Variants in MAML2 observed in about 807,000 individuals in gnomAD.
The protein encoded by MAML2 is mastermind like transcriptional coactivator 2.
Under a neutral mutation model 96.1 loss-of-function variants are expected in MAML2, and 22 were observed. The ratio of observed to expected loss-of-function variants is 0.23; its 90% CI spans 0.16 to 0.33. MAML2 has a LOEUF of 0.33. MAML2 is among the 10% of genes least tolerant of loss of function. The pLI, the probability that MAML2 is intolerant of heterozygous loss-of-function variation, is 1.00. For synonymous variants in MAML2, 561 were observed against 521.3 expected (o/e 1.08, Z -1.04); for missense variants, 1,367 against 1,392.4 (o/e 0.98, Z 0.29).
At chr11:96,040,484 T>G (rs1858790105) in intron 2 of MAML2, among the ~76,000 whole-genome samples, 1 of 152,038 alleles carries the variant, frequency 6.6e-6, no homozygotes, top group Non-Finnish European at 1.5e-5. Context: ...AAAACCTCCT[T>G]GGCTGGGCAC....
At chr11:96,329,009 A>C (rs1863820775) in intron 1 of MAML2, among the ~76,000 whole-genome samples, 1 of 152,222 alleles carries the variant, frequency 6.6e-6, no homozygotes, top group African/African-American at 2.4e-5. Flanking sequence ...ATAGACAAAC[A>C]GATGGAGAGA....
At chr11:96,338,976 C>T (rs1863954206) in intron 1 of MAML2, among the ~76,000 whole-genome samples, 1 of 152,202 alleles carries the variant, frequency 6.6e-6, no homozygotes, top group Non-Finnish European at 1.5e-5. Flanking sequence ...TAATACAGCA[C>T]TTGCATCACC....
rs191399489 is a variant in MAML2 at position 96,263,728 on chromosome 11, A to G, written c.513+77655T>C. Among the ~76,000 whole-genome samples, 6 of 152,354 alleles carry G rather than the reference A, an allele frequency of 3.9e-5. No homozygotes were observed. The South Asian group carries it at 1.2e-3, about 32-fold the overall frequency. On this transcript the variant is annotated intron_variant, in intron 1 of 4. Coordinates refer to ENST00000524717, the MANE Select transcript of MAML2 (RefSeq NM_032427.4). ...TTTTGAGTCTGTACTTGGGCTCAGC[A>G]GGTATGGAGGGGGGCTGGTGGGACC...
intron 1 of MAML2, among the ~76,000 whole-genome samples, chr11:96,148,684 A>ACACACACACG: frequency 6.6e-6 from 1 of 150,376 alleles, no homozygotes; most frequent in Non-Finnish European, 1.5e-5. Flanking sequence ...ACACACACAC[A>ACACACACACG]CACACACACA....
intron 2 of MAML2, among the ~76,000 whole-genome samples, chr11:96,068,438 TCACACACACACACA>T (rs10522513): frequency 3.3e-5 from 4 of 120,290 alleles, no homozygotes; most frequent in Admixed American, 8.8e-5. Context: ...GGAGCTTACT[TCACACACACACACA>T]CACACACACA....
chr11:96,087,796 C>T (rs1859642275), intron 2 of MAML2, among the ~76,000 whole-genome samples: 2 of 152,216 alleles, frequency 1.3e-5, no homozygotes, highest in South Asian at 2.1e-4. Context: ...ACCCTTCAGG[C>T]AACCTCTAGG....
chr11:96,226,019 A>T (rs746492307), intron 1 of MAML2, among the ~76,000 whole-genome samples: 14 of 152,178 alleles, frequency 9.2e-5, no homozygotes, highest in Non-Finnish European at 1.5e-4. Context: ...AATTAATTAC[A>T]TATTTAGCAA....
chr11:96,121,779 G>GTTTTTTTTTTTTTTTTTTTT (rs1405872923), intron 1 of MAML2, among the ~76,000 whole-genome samples: 1 of 40,814 alleles, frequency 2.5e-5, no homozygotes, highest in Non-Finnish European at 4.7e-5. Context: ...CCAACTGCGT[G>GTTTTTTTTTTTTTTTTTTTT]ATTTTTTTTT....
chr11:96,266,038 T>A (rs1167005228), intron 1 of MAML2, among the ~76,000 whole-genome samples: 6 of 152,166 alleles, frequency 3.9e-5, no homozygotes, highest in Admixed American at 6.5e-5. Flanking sequence ...AAGAGCACCC[T>A]GTAACACATG....
intron 1 of MAML2, among the ~76,000 whole-genome samples, chr11:96,228,266 A>G (rs556077013): frequency 3.1e-4 from 47 of 152,248 alleles, no homozygotes; most frequent in Non-Finnish European, 5.0e-4. Context: ...GCTAACTTCA[A>G]TCACTCCCTC....
chr11:96,317,322 C>T (rs929894516), intron 1 of MAML2, among the ~76,000 whole-genome samples: 19 of 152,100 alleles, frequency 1.2e-4, no homozygotes, highest in African/African-American at 3.9e-4. Flanking sequence ...ATTTCATATC[C>T]GACCTCCAAA....
At position 95,976,747 on chromosome 11, in the gene MAML2, G is replaced by C. The variant is rs1040187794; in HGVS notation, c.*2201C>G. The C allele has an allele frequency of 5.5e-6, 1 of 182,542 alleles. No individual in the cohort carries two copies. Among genetic ancestry groups the C allele is most frequent in the African/African-American group, 2.4e-5 (1 of 42,480 alleles). The allele number at this position is 182,542 out of a possible 1,614,324, so 11.3% of individuals were successfully genotyped here. A position where few individuals can be genotyped will look rare whatever the true frequency, so the allele number is the denominator to read the frequency against. On this transcript the variant is annotated 3_prime_UTR_variant, in exon 5 of 5. Transcript: ENST00000524717. The stretch of plus-strand genomic sequence containing the variant: ...CTACAAAACATACTATTTATGTTAG[G>C]GTAAAAATAAGCTGACTCACAGGAG...
intron 1 of MAML2, among the ~76,000 whole-genome samples, chr11:96,228,742 A>G (rs978952724): frequency 6.6e-6 from 1 of 152,182 alleles, no homozygotes; most frequent in Non-Finnish European, 1.5e-5. Context: ...CTGTATTTAT[A>G]AAGTCTTAAC....
chr11:96,098,540 T>A (rs963682896), intron 1 of MAML2, among the ~76,000 whole-genome samples: 1 of 152,238 alleles, frequency 6.6e-6, no homozygotes, highest in Admixed American at 6.5e-5. Flanking sequence ...GTTTTGGGAA[T>A]GATTTTCAAC....
intron 2 of MAML2, among the ~76,000 whole-genome samples, chr11:96,032,663 T>C (rs537024752): frequency 2.4e-4 from 36 of 151,040 alleles, no homozygotes; most frequent in African/African-American, 8.0e-4. Context: ...ATTTGGTGAA[T>C]AGATAAACAA....
intron 2 of MAML2, among the ~76,000 whole-genome samples, chr11:95,994,564 C>A (rs1302211345): frequency 1.3e-5 from 2 of 151,856 alleles, no homozygotes; most frequent in African/African-American, 4.8e-5. Context: ...GGAAGCAGAG[C>A]CTGTGACAGG....
chr11:96,159,407 C>CTTTTTTTTTTTTTTTTTTTTTTTTTTTTT (rs760811590), intron 1 of MAML2, among the ~76,000 whole-genome samples: 2 of 91,122 alleles, frequency 2.2e-5, no homozygotes, highest in Admixed American at 1.6e-4. Flanking sequence ...ACCACTGATT[C>CTTTTTTTTTTTTTTTTTTTTTTTTTTTTT]TTTTTTTTTT....
intron 1 of MAML2, among the ~76,000 whole-genome samples, chr11:96,163,569 C>T (rs1179747205): frequency 6.6e-6 from 1 of 152,200 alleles, no homozygotes; most frequent in Non-Finnish European, 1.5e-5. Context: ...GAACCCAAGT[C>T]TCCTAACTGA....
At chr11:96,200,014 C>T (rs547554469) in intron 1 of MAML2, among the ~76,000 whole-genome samples, 2 of 152,208 alleles carry the variant, frequency 1.3e-5, no homozygotes, top group South Asian at 4.1e-4. Flanking sequence ...TGAAAATTAT[C>T]TCTAGTGTGA....
Sources: allele counts gnomAD v4.1 joint callset (sites outside exome capture counted in the v4.1 genomes callset), GRCh38; gene constraint gnomAD v4.1.1; transcripts MANE v1.5; gene names NCBI Gene and HGNC (gene_info 2026-07-23, HGNC 2026-07-21).